PCSK2: variants seen among roughly 807,000 people sequenced by gnomAD.
The protein encoded by PCSK2 is proprotein convertase subtilisin/kexin type 2.
In PCSK2, 14 loss-of-function variants were observed where a neutral mutation model predicts 69.7. The ratio of observed to expected loss-of-function variants is 0.20; its 90% CI spans 0.13 to 0.31. The LOEUF (loss-of-function observed/expected upper bound fraction) is 0.31. Among genes scored for constraint, PCSK2 ranks in the 10% least tolerant of loss-of-function variants. The pLI is 1.00. For synonymous variants in PCSK2, 307 were observed against 320.7 expected (o/e 0.96, Z 0.46); for missense variants, 544 against 842.5 (o/e 0.65, Z 4.39).
intron 1 of PCSK2, among the ~76,000 whole-genome samples, chr20:17,248,602 G>A (rs1203277140): frequency 6.6e-6 from 1 of 152,196 alleles, no homozygotes; most frequent in Admixed American, 6.5e-5. Context: ...TTAGTCTTTT[G>A]TTAGGTTCAT....
intron 4 of PCSK2, among the ~76,000 whole-genome samples, chr20:17,368,113 T>C (rs2030652611): frequency 6.6e-6 from 1 of 152,170 alleles, no homozygotes; most frequent in Admixed American, 6.5e-5. Flanking sequence ...TGCATCCTAA[T>C]ACAAGCTCTT....
chr20:17,455,493 A>C (rs1484390488), intron 9 of PCSK2, among the ~76,000 whole-genome samples: 1 of 152,244 alleles, frequency 6.6e-6, no homozygotes, highest in Non-Finnish European at 1.5e-5. Context: ...AACACATCTC[A>C]GAATCTCTCC....
At chr20:17,456,106 G>A (rs2032915541) in intron 9 of PCSK2, among the ~76,000 whole-genome samples, 2 of 152,198 alleles carry the variant, frequency 1.3e-5, no homozygotes, top group South Asian at 4.2e-4. Flanking sequence ...CGGGCATGGT[G>A]GCACGTGCCT....
At chr20:17,362,425 A>G (rs1221957413) in intron 4 of PCSK2, among the ~76,000 whole-genome samples, 3 of 152,216 alleles carry the variant, frequency 2.0e-5, no homozygotes, top group Non-Finnish European at 4.4e-5. Context: ...GCTGGAGTTC[A>G]TCTGGGCAGT....
At chr20:17,294,331 C>A (rs1360521135) in intron 2 of PCSK2, among the ~76,000 whole-genome samples, 3 of 152,022 alleles carry the variant, frequency 2.0e-5, no homozygotes, top group African/African-American at 7.2e-5. Flanking sequence ...TGGTCTCGAT[C>A]TCCTGACCTC....
intron 11 of PCSK2, among the ~76,000 whole-genome samples, chr20:17,468,587 C>T (rs1296963275): frequency 1.3e-5 from 2 of 151,186 alleles, no homozygotes; most frequent in African/African-American, 4.9e-5. Context: ...GACGGGCAGC[C>T]TACCATAGGT....
At chr20:17,315,687 C>G (rs1309095620) in intron 2 of PCSK2, among the ~76,000 whole-genome samples, 1 of 152,238 alleles carries the variant, frequency 6.6e-6, no homozygotes, top group African/African-American at 2.4e-5. Context: ...ACAACAGGCT[C>G]CTGTTCTCTA....
chr20:17,230,826 C>CTAA (rs1986120130), intron 1 of PCSK2, among the ~76,000 whole-genome samples: 1 of 152,116 alleles, frequency 6.6e-6, no homozygotes, highest in Non-Finnish European at 1.5e-5. Context: ...CATTTGTTTT[C>CTAA]TCTCTAAAAT....
intron 2 of PCSK2, among the ~76,000 whole-genome samples, chr20:17,273,936 C>A (rs1486915280): frequency 6.6e-6 from 1 of 152,096 alleles, no homozygotes; most frequent in Non-Finnish European, 1.5e-5. Flanking sequence ...AAGCTCTACC[C>A]ACTTGTAAAT....
At chr20:17,445,690 G>A (rs112830521) in intron 8 of PCSK2, among the ~76,000 whole-genome samples, 3,421 of 152,306 alleles carry the variant, frequency 0.022, 82 homozygotes, top group African/African-American at 0.05. Flanking sequence ...CCATGGCGGC[G>A]AGTGCCAGGG....
At chr20:17,447,110 G>C (rs2300927) in intron 8 of PCSK2, among the ~76,000 whole-genome samples, 1 of 150,952 alleles carries the variant, frequency 6.6e-6, no homozygotes, top group Non-Finnish European at 1.5e-5. Flanking sequence ...AATAAATAAA[G>C]AAAAATAAAA....
At chr20:17,401,594 T>C (rs1405920285) in intron 5 of PCSK2, among the ~76,000 whole-genome samples, 1 of 152,204 alleles carries the variant, frequency 6.6e-6, no homozygotes, top group African/African-American at 2.4e-5. Flanking sequence ...TGGAAGCAGT[T>C]ATCAAAAGAT....
chr20:17,470,272 C>T (rs2033177571), intron 11 of PCSK2, among the ~76,000 whole-genome samples: 1 of 152,096 alleles, frequency 6.6e-6, no homozygotes, highest in African/African-American at 2.4e-5. Flanking sequence ...AAGTGGATGA[C>T]CGTGATTAAG....
chr20:17,228,855 C>G (rs1046070530), intron 1 of PCSK2, among the ~76,000 whole-genome samples: 11 of 152,124 alleles, frequency 7.2e-5, no homozygotes, highest in Non-Finnish European at 1.2e-4. Flanking sequence ...CTGGGTCCGC[C>G]GGTGGCGCGC....
chr20:17,350,846 C>T (rs1224146624), intron 2 of PCSK2, among the ~76,000 whole-genome samples: 5 of 151,986 alleles, frequency 3.3e-5, no homozygotes, highest in African/African-American at 1.2e-4. Flanking sequence ...AATTCGAGAC[C>T]AGCTTGGCCA....
chr20:17,366,679 T>G (rs967767520), intron 4 of PCSK2, among the ~76,000 whole-genome samples: 7 of 152,258 alleles, frequency 4.6e-5, no homozygotes, highest in Non-Finnish European at 8.8e-5. Context: ...AGTCCATTAT[T>G]ACTTTTTCCG....
At chr20:17,360,873 A>C (rs891756820) in intron 4 of PCSK2, among the ~76,000 whole-genome samples, 2 of 149,614 alleles carry the variant, frequency 1.3e-5, no homozygotes, top group Non-Finnish European at 2.9e-5. Flanking sequence ...AAGCTAAACA[A>C]ATGAATAAAT....
intron 10 of PCSK2, among the ~76,000 whole-genome samples, chr20:17,460,037 G>A (rs2032987105): frequency 6.6e-6 from 1 of 152,168 alleles, no homozygotes; most frequent in African/African-American, 2.4e-5. Flanking sequence ...CAGAGATAAG[G>A]AACCCAGGGC....
rs367614450 is a variant in PCSK2 at position 17,473,146 on chromosome 20, T to G, written c.1430+7593T>G. ...TCTCACTGTGTCACCCAGGCTGGAG[T>G]GCAGTAGCGTGATCTCAGCTCACTG... is the stretch of plus-strand genomic sequence containing the variant. On this transcript the variant is annotated intron_variant, in intron 11 of 11. Transcript: ENST00000262545. Among the ~76,000 whole-genome samples, 8 of 131,014 alleles carry G rather than the reference T, an allele frequency of 6.1e-5. No individual in the cohort carries two copies. In the Admixed American group the frequency reaches 6.7e-4, roughly 11 times the overall value. 86.0% of individuals were successfully genotyped at this position (131,014 alleles called of 152,430 possible). A position where few individuals can be genotyped will look rare whatever the true frequency, so the allele number is the denominator to read the frequency against.
Sources: gnomAD v4.1 joint callset for allele counts (sites outside exome capture counted in the v4.1 genomes callset) on GRCh38, gnomAD v4.1.1 for gene constraint, MANE v1.5 for transcripts, NCBI Gene and HGNC (gene_info 2026-07-23, HGNC 2026-07-21) for gene names.